The following KCNQ3 variants were observed in gnomAD, a reference collection of about 807,000 sequenced individuals.
KCNQ3 encodes potassium voltage-gated channel subfamily KQT member 3.
A neutral mutation model predicts 92.5 loss-of-function variants in KCNQ3; 30 were observed. The observed-to-expected ratio is 0.32, with a 90% CI of 0.24 to 0.44. KCNQ3 has a LOEUF of 0.44. KCNQ3 is among the 20% of genes least tolerant of loss of function. The pLI is 1.00. For missense variants in KCNQ3, 913 were observed against 1,140.3 expected (o/e 0.80, Z 2.87); for synonymous variants, 450 against 468.8 (o/e 0.96, Z 0.52).
At chr8:132,163,592 T>C (rs1390254505) in intron 8 of KCNQ3, 98 bp from the exon 9 acceptor site, 8 of 1,059,034 alleles carry the variant, frequency 7.6e-6, no homozygotes, top group Non-Finnish European at 1.0e-5. Flanking sequence ...CTGAAGATGA[T>C]GGAGCAGAGT....
chr8:132,447,524 A>C (rs1471824699), intron 1 of KCNQ3, among the ~76,000 whole-genome samples: 1 of 152,242 alleles, frequency 6.6e-6, no homozygotes, highest in African/African-American at 2.4e-5. Context: ...AATGGAGATT[A>C]AAGAAAAAGA....
At chr8:132,169,225 G>T (rs1826235638) in intron 8 of KCNQ3, among the ~76,000 whole-genome samples, 1 of 152,134 alleles carries the variant, frequency 6.6e-6, no homozygotes, top group African/African-American at 2.4e-5. Flanking sequence ...TCCTGTTCAG[G>T]ATGCATTTAC....
intron 1 of KCNQ3, among the ~76,000 whole-genome samples, chr8:132,194,585 G>A (rs1213496587): frequency 6.6e-6 from 1 of 152,186 alleles, no homozygotes; most frequent in African/African-American, 2.4e-5. Context: ...TTAACTGGGG[G>A]GAAATGCCAT....
intron 1 of KCNQ3, among the ~76,000 whole-genome samples, chr8:132,286,752 G>A (rs1377849426): frequency 6.6e-6 from 1 of 152,200 alleles, no homozygotes; most frequent in African/African-American, 2.4e-5. Flanking sequence ...TTGCCACTGT[G>A]ACAATGTTGG....
intron 1 of KCNQ3, among the ~76,000 whole-genome samples, chr8:132,416,815 G>C (rs541749733): frequency 6.6e-6 from 1 of 152,244 alleles, no homozygotes; most frequent in South Asian, 2.1e-4. Flanking sequence ...AGGCTGCAGG[G>C]TACAGACAGG....
intron 1 of KCNQ3, among the ~76,000 whole-genome samples, chr8:132,326,494 A>G (rs1405181038): frequency 6.6e-6 from 1 of 152,206 alleles, no homozygotes; most frequent in Non-Finnish European, 1.5e-5. Flanking sequence ...ATGTGTCTCC[A>G]CCAAAGTTCA....
chr8:132,480,650 T>C lies in KCNQ3; in HGVS notation c.-118A>G. On this transcript the variant is annotated 5_prime_UTR_variant, in exon 1 of 15. It removes an upstream start codon present in the reference 5' UTR. Transcript: ENST00000388996. ...TGCAAGCCCGGGAACTCCAATGCCA[T>C]GATCCGCGCGCCCCTCCCCACCCCC... 1 of 1,054,564 alleles carries C rather than the reference T, an allele frequency of 9.5e-7. No individual in the cohort carries two copies. The highest frequency in any genetic ancestry group is 1.2e-6 in the Non-Finnish European group (1 of 853,564). The allele number at this position is 1,054,564 out of a possible 1,614,324, so 65.3% of individuals were successfully genotyped here.
intron 1 of KCNQ3, among the ~76,000 whole-genome samples, chr8:132,186,907 C>CGTGT (rs145871547): frequency 1.8e-5 from 2 of 111,436 alleles, no homozygotes; most frequent in Non-Finnish European, 3.6e-5. Flanking sequence ...CTGTGAGGTG[C>CGTGT]GTGTGTGTGT....
chr8:132,141,122 G>C lies in KCNQ3; in HGVS notation c.1465+7C>G. ...AAGAGACAGGGAGGGAGATAAAAAG[G>C]CATTACCTTCAGAACTCTGCCAGAA... On this transcript the variant is annotated splice_region_variant and intron_variant, in intron 10 of 14. Coordinates refer to ENST00000388996, the MANE Select transcript of KCNQ3 (RefSeq NM_004519.4). 6.2e-7 allele frequency: 1 copy of C among 1,613,264 alleles called. No homozygotes were observed. The highest frequency in any genetic ancestry group is 8.5e-7 in the Non-Finnish European group (1 of 1,179,194).
chr8:132,303,569 T>TATATATATATATATATCAC lies in KCNQ3; in HGVS notation c.387-117389_387-117388insGTGATATATATATATATAT, dbSNP rs1817295002. Among the ~76,000 whole-genome samples, 3 of 63,478 alleles carry TATATATATATATATATCAC rather than the reference T, an allele frequency of 4.7e-5. 1 individual carries two copies. In the South Asian group the frequency reaches 1.7e-3, roughly 36 times the overall value. 41.6% of individuals were successfully genotyped at this position (63,478 alleles called of 152,430 possible). A position where few individuals can be genotyped will look rare whatever the true frequency, so the allele number is the denominator to read the frequency against. On this transcript the variant is annotated intron_variant, in intron 1 of 14. Transcript: ENST00000388996. ...GTGATCAGATAAAGAAAATGTGATA[T>TATATATATATATATATCAC]ATATATATATGGTGTGTGTGTATAT...
chr8:132,126,898 G>A lies in KCNQ3; in HGVS notation c.*2364C>T, dbSNP rs545647593. ...ATACTTAAGATAGTAAGTTCTTCAA[G>A]AATACTAATAAGTAAGTTAAAAAAT... On this transcript the variant is annotated 3_prime_UTR_variant, in exon 15 of 15. Coordinates refer to ENST00000388996, the MANE Select transcript of KCNQ3 (RefSeq NM_004519.4). The A allele has an allele frequency of 6.6e-6, 1 of 152,336 alleles. No homozygotes were observed. Among genetic ancestry groups the A allele is most frequent in the South Asian group, 2.1e-4 (1 of 4,830 alleles). The allele number at this position is 152,336 out of a possible 1,614,324, so 9.4% of individuals were successfully genotyped here. A position where few individuals can be genotyped will look rare whatever the true frequency, so the allele number is the denominator to read the frequency against.
intron 1 of KCNQ3, among the ~76,000 whole-genome samples, chr8:132,317,891 G>C (rs16904656): frequency 0.21 from 32,274 of 152,080 alleles, 3,665 homozygotes; most frequent in African/African-American, 0.28. Context: ...AAATGGAGAC[G>C]GGCCTGAGGT....
chr8:132,242,025 C>CTT (rs1815014986), intron 1 of KCNQ3, among the ~76,000 whole-genome samples: 1 of 29,270 alleles, frequency 3.4e-5, no homozygotes, highest in Admixed American at 5.4e-4. Context: ...GAACTTATTC[C>CTT]TCTGCACAAC....
At chr8:132,264,463 G>A (rs1053368222) in intron 1 of KCNQ3, among the ~76,000 whole-genome samples, 5 of 152,236 alleles carry the variant, frequency 3.3e-5, no homozygotes, top group Admixed American at 3.3e-4. Context: ...TGTGCAGTGA[G>A]TGTAGTGGGC....
At chr8:132,259,157 G>C (rs1171349606) in intron 1 of KCNQ3, among the ~76,000 whole-genome samples, 1 of 151,652 alleles carries the variant, frequency 6.6e-6, no homozygotes, top group African/African-American at 2.4e-5. Flanking sequence ...CATTTTATGA[G>C]GCTAGCACTA....
chr8:132,252,379 T>C (rs185724118), intron 1 of KCNQ3, among the ~76,000 whole-genome samples: 1 of 152,196 alleles, frequency 6.6e-6, no homozygotes, highest in East Asian at 1.9e-4. Flanking sequence ...GTTACAGCTC[T>C]TAAAGGTGGT....
chr8:132,345,445 T>G (rs1383122402), intron 1 of KCNQ3, among the ~76,000 whole-genome samples: 3 of 152,196 alleles, frequency 2.0e-5, no homozygotes, highest in Non-Finnish European at 4.4e-5. Flanking sequence ...GCACTGGGGA[T>G]GCAGTGAACA....
chr8:132,349,716 C>T (rs1162803247), intron 1 of KCNQ3, among the ~76,000 whole-genome samples: 1 of 152,200 alleles, frequency 6.6e-6, no homozygotes, highest in African/African-American at 2.4e-5. Context: ...AAAAGCCATC[C>T]AGCCAAGCCC....
chr8:132,254,855 G>A (rs1586869672), intron 1 of KCNQ3, among the ~76,000 whole-genome samples: 2 of 152,022 alleles, frequency 1.3e-5, no homozygotes, highest in African/African-American at 4.8e-5. Context: ...CTCCAGCCTG[G>A]GTGACAATGA....
Sources: gnomAD v4.1 joint callset for allele counts (sites outside exome capture counted in the v4.1 genomes callset) on GRCh38, gnomAD v4.1.1 for gene constraint, MANE v1.5 for transcripts, NCBI Gene and HGNC (gene_info 2026-07-23, HGNC 2026-07-21) for gene names.